DHTKD1: variants seen among roughly 807,000 people sequenced by gnomAD.
DHTKD1 encodes the protein dehydrogenase E1 and transketolase domain containing 1, also known as 2-oxoadipate dehydrogenase complex component E1.
DHTKD1 carries 78 observed loss-of-function variants against 101.8 expected under a neutral mutation model. That is an observed-to-expected ratio of 0.77 (90% CI 0.64 to 0.93). The LOEUF is 0.93. DHTKD1 is among the 40% of genes least tolerant of loss of function. The pLI is 0.00. For missense variants in DHTKD1, 1,223 were observed against 1,161.7 expected (o/e 1.05, Z -0.77); for synonymous variants, 462 against 450.3 (o/e 1.03, Z -0.33).
In DHTKD1 at chr10:12,122,119, A is replaced by C. The variant is rs1833535579; in HGVS notation, c.*1231A>C. The C allele has an allele frequency of 6.6e-6, 1 of 152,128 alleles. No individual in the cohort carries two copies. The highest frequency in any genetic ancestry group is 1.5e-5 in the Non-Finnish European group (1 of 68,030). 9.4% of individuals were successfully genotyped at this position (152,128 alleles called of 1,614,324 possible). On this transcript the variant is annotated 3_prime_UTR_variant, in exon 17 of 17. Coordinates refer to ENST00000263035, the MANE Select transcript of DHTKD1 (RefSeq NM_018706.7). ...TGGGTGGATGATCTTCTAGTACTGT[A>C]TTTTTAAATTAAGGAGTTTTAGTTA...
rs1832871570 is a variant in DHTKD1 at position 12,084,614 on chromosome 10, C to A, written c.385C>A (p.Gln129Lys). Reference sequence around the variant, plus strand: ...CTATCTCAATCAAATCTACTGTGGGCAGATTTCTATTGAAACCTCCCAACT... The same window carrying A: ...CTATCTCAATCAAATCTACTGTGGGAAGATTTCTATTGAAACCTCCCAACT... ...LVYLNQIYCG[Q>K]ISIETSQLQS... The change falls in exon 3 of 17, where the codon CAG becomes AAG. Residue 129 changes from glutamine (Q) to lysine (K), a missense_variant. Physicochemically the swap from Gln to Lys is moderately conservative, Grantham distance 53. Transcript: ENST00000263035. 6.2e-7 allele frequency: 1 copy of A among 1,612,952 alleles called. No individual in the cohort carries two copies. Among genetic ancestry groups the A allele is most frequent in the Non-Finnish European group, 8.5e-7 (1 of 1,178,960 alleles).
Position 12,107,036 on chromosome 10 carries a change from G to T in DHTKD1, c.2047+640G>T, listed in dbSNP as rs1230197063. On this transcript the variant is annotated intron_variant, in intron 11 of 16. Transcript: ENST00000263035. This position sits in a 1 kb window ranked among gnomAD's most constrained non-coding sequence, Gnocchi z 4.1. ...GTCTCGCTCTGTCACCCAGGCTGGAGTGCAGTGGTGCGATCTCGGCTCACT... is the reference window on the plus strand; with the variant it reads ...GTCTCGCTCTGTCACCCAGGCTGGATTGCAGTGGTGCGATCTCGGCTCACT... 6.6e-6 allele frequency among the ~76,000 whole-genome samples: 1 copy of T among 151,182 alleles called. No individual in the cohort carries two copies. The highest frequency in any genetic ancestry group is 1.9e-4 in the East Asian group (1 of 5,130).
At position 12,097,949 on chromosome 10, in the gene DHTKD1, C is replaced by A; in HGVS notation, c.1624C>A (p.Pro542Thr). ...RFVGMKSVEV[P>T]RELQMHSHLL... is the part of the protein sequence containing the mutation. ...TGTTGGCATGAAGTCTGTAGAGGTG[C>A]CAAGAGAGCTGCAGATGCACAGTCA... Residue 542 changes from proline (P) to threonine (T), a missense_variant, in exon 8 of 17, where the codon CCA becomes ACA. Coordinates refer to ENST00000263035, the MANE Select transcript of DHTKD1 (RefSeq NM_018706.7). 6.2e-7 allele frequency: 1 copy of A among 1,613,794 alleles called. No homozygotes were observed. The highest frequency in any genetic ancestry group is 8.5e-7 in the Non-Finnish European group (1 of 1,179,798).
In DHTKD1 at chr10:12,097,689, G is replaced by A. The variant is rs142068634; in HGVS notation, c.1364G>A (p.Arg455Gln). ...NPIMYKIIRA[R>Q]KSIPDTYAEH... is the part of the protein sequence containing the mutation. ...TTCTTCTCTTTCTTGGGCAGAGCTC[G>A]AAAGAGCATTCCAGACACATATGCA... Residue 455 changes from arginine to glutamine, a missense_variant, in exon 8 of 17, where the codon CGA becomes CAA. Physicochemically the swap from Arg to Gln is conservative, Grantham distance 43. Coordinates refer to ENST00000263035, the MANE Select transcript of DHTKD1 (RefSeq NM_018706.7). 1.7e-4 allele frequency: 271 copies of A among 1,609,140 alleles called. No homozygotes were observed. Among genetic ancestry groups the A allele is most frequent in the Non-Finnish European group, 2.2e-4 (260 of 1,177,642 alleles).
Position 12,103,489 on chromosome 10 carries a change from A to G in DHTKD1, c.1896+2308A>G, listed in dbSNP as rs867409223. ...TCCCCCAACTTCGTTGTACATCTCA[A>G]TCTGTGTGTGTGTGTGTGTGTGTGT... On this transcript the variant is annotated intron_variant, in intron 10 of 16. Transcript: ENST00000263035. The surrounding 1 kb of genome is among the most constrained non-coding windows in gnomAD (Gnocchi z 4.8). Among the ~76,000 whole-genome samples, 2 of 81,240 alleles carry G rather than the reference A, an allele frequency of 2.5e-5. No individual in the cohort carries two copies. Among genetic ancestry groups the G allele is most frequent in the Non-Finnish European group, 5.2e-5 (2 of 38,146 alleles). The allele number at this position is 81,240 out of a possible 152,430, so 53.3% of individuals were successfully genotyped here. A position where few individuals can be genotyped will look rare whatever the true frequency, so the allele number is the denominator to read the frequency against.
At position 12,107,176 on chromosome 10, in the gene DHTKD1, T is replaced by C. The variant is rs1315295335; in HGVS notation, c.2048-733T>C. Among the ~76,000 whole-genome samples, 1 of 151,506 alleles carries C rather than the reference T, an allele frequency of 6.6e-6. No individual in the cohort carries two copies. Among genetic ancestry groups the C allele is most frequent in the Non-Finnish European group, 1.5e-5 (1 of 67,854 alleles). On this transcript the variant is annotated intron_variant, in intron 11 of 16. Transcript: ENST00000263035. This position sits in a 1 kb window ranked among gnomAD's most constrained non-coding sequence, Gnocchi z 4.1. ...TAATTTTTTGTATTTTTAGTAGAGA[T>C]GGGGTTTCACCGTGTCAGCCGGGAT...
At chr10:12,084,209 A>G (rs1832866034) in intron 2 of DHTKD1, among the ~76,000 whole-genome samples, 1 of 152,136 alleles carries the variant, frequency 6.6e-6, no homozygotes, top group Admixed American at 6.6e-5. Context: ...GGCGTGAGCC[A>G]CGGCACCCGG....
chr10:12,119,294 T>C (rs1438804951), intron 15 of DHTKD1, among the ~76,000 whole-genome samples: 1 of 140,932 alleles, frequency 7.1e-6, no homozygotes, highest in East Asian at 2.2e-4. Context: ...CACAAGACTC[T>C]GTGTCAAAAA....
Position 12,107,886 on chromosome 10 carries a change from C to A in DHTKD1, c.2048-23C>A. 2 of 1,513,176 alleles carry A rather than the reference C, an allele frequency of 1.3e-6. No individual in the cohort carries two copies. The highest frequency in any genetic ancestry group is 1.8e-6 in the Non-Finnish European group (2 of 1,088,732). 93.7% of individuals were successfully genotyped at this position (1,513,176 alleles called of 1,614,324 possible). ...TTGTCCCCGCTTCGTAGAGCTCTTA[C>A]TCCCCACGTGGTACTTTTCCAGGAG... On this transcript the variant is annotated intron_variant, in intron 11 of 16. Coordinates refer to ENST00000263035, the MANE Select transcript of DHTKD1 (RefSeq NM_018706.7). This position sits in a 1 kb window ranked among gnomAD's most constrained non-coding sequence, Gnocchi z 4.1.
At chr10:12,116,701 CT>C (rs1160066902) in intron 13 of DHTKD1, among the ~76,000 whole-genome samples, 351 of 142,070 alleles carry the variant, frequency 2.5e-3, no homozygotes, top group Middle Eastern at 3.7e-3. Flanking sequence ...TTTTTCTTTT[CT>C]TTTTTTTTTT....
At chr10:12,072,181 T>C (rs948568260) in intron 1 of DHTKD1, among the ~76,000 whole-genome samples, 4 of 151,734 alleles carry the variant, frequency 2.6e-5, no homozygotes, top group African/African-American at 7.3e-5. Context: ...TAAAGAGATA[T>C]TGAGCCTGGG....
chr10:12,091,820 T>A, intron 6 of DHTKD1, 136 bp downstream of exon 6: 1 of 680,050 alleles, frequency 1.5e-6, no homozygotes, highest in Non-Finnish European at 2.2e-6. Flanking sequence ...TAATTAATTT[T>A]TTGAGATGGA....
chr10:12,120,844 C>T lies in DHTKD1; in HGVS notation c.2716C>T (p.His906Tyr), dbSNP rs1833515765. 1.2e-6 allele frequency: 2 copies of T among 1,613,974 alleles called. No homozygotes were observed. The highest frequency in any genetic ancestry group is 2.2e-5 in the East Asian group (1 of 44,890). The change falls in exon 17 of 17, where the codon CAC becomes TAC. Residue 906 changes from histidine to tyrosine, a missense_variant. Transcript: ENST00000263035. ...PVPAVGIGTV[H>Y]LHQHEDILAK... ...ACCCGCTGTAGGAATTGGCACAGTT[C>T]ACTTGCACCAGCATGAAGATATCCT... is the stretch of plus-strand genomic sequence containing the variant.
intron 1 of DHTKD1, among the ~76,000 whole-genome samples, chr10:12,072,575 T>C (rs537832772): frequency 6.6e-6 from 1 of 152,302 alleles, no homozygotes; most frequent in Non-Finnish European, 1.5e-5. Flanking sequence ...TTTCACTAGT[T>C]ACAATTTGAC....
chr10:12,074,529 GT>G (rs552495995), intron 1 of DHTKD1, among the ~76,000 whole-genome samples: 7 of 146,286 alleles, frequency 4.8e-5, no homozygotes, highest in Non-Finnish European at 6.1e-5. Flanking sequence ...CTAATTTTTT[GT>G]TTTTTTTTTA....
At chr10:12,090,378 T>G (rs1832968733) in intron 5 of DHTKD1, among the ~76,000 whole-genome samples, 3 of 120,004 alleles carry the variant, frequency 2.5e-5, no homozygotes, top group Non-Finnish European at 3.8e-5. Context: ...CCTTCCTTCC[T>G]TCCTTCCTTT....
rs147976530 is a variant in DHTKD1, at chr10:12,075,681, G to C, written c.155-5791G>C. ...CACAATGGCCATCCAGTAATAGGAA[G>C]TATTTTATGAATAATTCTATTGCTG... is the stretch of plus-strand genomic sequence containing the variant. On this transcript the variant is annotated intron_variant, in intron 1 of 16. Transcript: ENST00000263035. Among the ~76,000 whole-genome samples the C allele has an allele frequency of 5.8e-4, 89 of 152,162 alleles. No individual in the cohort carries two copies. The East Asian group carries it at 0.017, about 29-fold the overall frequency.
intron 5 of DHTKD1, 106 bp from the exon 6 acceptor site, chr10:12,091,405 CTG>C: frequency 3.7e-6 from 1 of 273,466 alleles, no homozygotes; most frequent in Admixed American, 1.0e-4. Context: ...GAGCAAGACT[CTG>C]TCTCAAAAAA....
At chr10:12,089,744 C>T (rs922919703) in intron 5 of DHTKD1, among the ~76,000 whole-genome samples, 1 of 151,990 alleles carries the variant, frequency 6.6e-6, no homozygotes, top group Non-Finnish European at 1.5e-5. Context: ...AATCTCAGCT[C>T]ACTGCAACCT....
Sources: allele counts gnomAD v4.1 joint callset (sites outside exome capture counted in the v4.1 genomes callset), GRCh38; gene constraint gnomAD v4.1.1; non-coding constraint Gnocchi (gnomAD v3.1); transcripts MANE v1.5; gene names NCBI Gene and HGNC (gene_info 2026-07-23, HGNC 2026-07-21).